The following QSER1 variants were observed in gnomAD, a reference collection of about 807,000 sequenced individuals.
QSER1 encodes the protein glutamine and serine-rich protein 1.
Under a neutral mutation model 158.5 loss-of-function variants are expected in QSER1, and 49 were observed. That is an observed-to-expected ratio of 0.31 (90% CI 0.25 to 0.39). The LOEUF (loss-of-function observed/expected upper bound fraction) is 0.39, where lower values mean the gene tolerates loss of function less well. Among genes scored for constraint, QSER1 ranks in the 10% least tolerant of loss-of-function variants. QSER1 has a pLI of 1.00. For missense variants in QSER1, 1,754 were observed against 2,010.3 expected (o/e 0.87, Z 2.44); for synonymous variants, 650 against 715.5 (o/e 0.91, Z 1.46).
chr11:32,973,684 T>C, intron 11 of QSER1, 135 bp downstream of exon 11: 1 of 796,156 alleles, frequency 1.3e-6, no homozygotes, highest in South Asian at 1.8e-5. Flanking sequence ...GGAATAAGCG[T>C]CACTGGCCTG....
chr11:32,927,702 C>T (rs1218922289), intron 2 of QSER1, among the ~76,000 whole-genome samples: 1 of 152,100 alleles, frequency 6.6e-6, no homozygotes, highest in Non-Finnish European at 1.5e-5. Context: ...CCGCCACGCC[C>T]GACCAAAGCT....
intron 1 of QSER1, among the ~76,000 whole-genome samples, chr11:32,904,189 C>CTT (rs370789790): frequency 3.6e-5 from 5 of 137,222 alleles, no homozygotes; most frequent in Non-Finnish European, 4.8e-5. Context: ...ATTTCTTTTT[C>CTT]TTTTTTTTTT....
chr11:32,929,665 G>A (rs1431356284), intron 3 of QSER1, among the ~76,000 whole-genome samples: 1 of 152,150 alleles, frequency 6.6e-6, no homozygotes, highest in Non-Finnish European at 1.5e-5. Context: ...CCATTAGTTG[G>A]AAGAAGGTAT....
In QSER1 at chr11:32,927,995, G is replaced by C; in HGVS notation, c.356G>C (p.Ser119Thr). 7.8e-7 allele frequency: 1 copy of C among 1,288,264 alleles called. No homozygotes were observed. Among genetic ancestry groups the C allele is most frequent in the Non-Finnish European group, 1.1e-6 (1 of 885,578 alleles). 79.8% of individuals were successfully genotyped at this position (1,288,264 alleles called of 1,614,324 possible). Residue 119 changes from serine to threonine, a missense_variant, in exon 3 of 13, where the codon AGT becomes ACT. Transcript: ENST00000650167. ...LSGIFDTSVN[S>T]ASSNTKESSV... ...GGAATATTTGATACTAGTGTGAACA[G>C]TGCCAGCAGTAACACTAAAGAGTCT...
chr11:32,935,010 A>ATGATGG lies in QSER1; in HGVS notation c.3754_3759dup (p.Asp1252_Gly1253dup), dbSNP rs1395802682. 1 of 1,614,164 alleles carries ATGATGG rather than the reference A, an allele frequency of 6.2e-7. No homozygotes were observed. Among genetic ancestry groups the ATGATGG allele is most frequent in the East Asian group, 2.2e-5 (1 of 44,890 alleles). On this transcript the variant is annotated inframe_insertion, in exon 4 of 13. Coordinates refer to ENST00000650167, the MANE Select transcript of QSER1 (RefSeq NM_001076786.3). The stretch of plus-strand genomic sequence containing the variant: ...ACTCCTCCTTCCTCAGAAAGCTGCC[A>ATGATGG]TGATGGTTATCAGCATCAAGAAAAA...
intron 1 of QSER1, among the ~76,000 whole-genome samples, chr11:32,914,292 T>C (rs1851806677): frequency 6.6e-6 from 1 of 152,232 alleles, no homozygotes; most frequent in Non-Finnish European, 1.5e-5. Context: ...GCTCAAAGTC[T>C]TGTAGCATTT....
chr11:32,917,324 T>C (rs1167250308), intron 1 of QSER1, among the ~76,000 whole-genome samples: 2 of 152,226 alleles, frequency 1.3e-5, no homozygotes, highest in Non-Finnish European at 2.9e-5. Flanking sequence ...TGAACATTTA[T>C]GTACAAGTTT....
chr11:32,944,998 CTTT>C (rs1852305365), intron 4 of QSER1, among the ~76,000 whole-genome samples: 1 of 140,670 alleles, frequency 7.1e-6, no homozygotes, highest in Non-Finnish European at 1.5e-5. Flanking sequence ...TAATGGCCTT[CTTT>C]GTCTCTTTTG....
Position 32,975,031 on chromosome 11 carries a change from A to G in QSER1, c.5359-217A>G, listed in dbSNP as rs185312430. 1.4e-3 allele frequency among the ~76,000 whole-genome samples: 209 copies of G among 152,264 alleles called. 5 individuals carry two copies. Among genetic ancestry groups the G allele is most frequent in the Admixed American group, 0.013 (200 of 15,288 alleles). On this transcript the variant is annotated intron_variant, in intron 11 of 12. Coordinates refer to ENST00000650167, the MANE Select transcript of QSER1 (RefSeq NM_001076786.3). ...TTCCTATAATGCTTAAGTTTTTTCA[A>G]TAATGCATATTTATATGCAGGATAA...
chr11:32,957,442 G>A (rs1457076546), intron 7 of QSER1, among the ~76,000 whole-genome samples: 1 of 152,038 alleles, frequency 6.6e-6, no homozygotes, highest in Non-Finnish European at 1.5e-5. Context: ...CGCCGCATTT[G>A]GGTTTCTACA....
intron 3 of QSER1, among the ~76,000 whole-genome samples, chr11:32,929,523 T>C (rs530297459): frequency 6.6e-6 from 1 of 152,320 alleles, no homozygotes; most frequent in Admixed American, 6.5e-5. Context: ...CACGACTGAT[T>C]TTACTATCAT....
Position 32,932,934 on chromosome 11 carries a change from A to T in QSER1, c.1676A>T (p.His559Leu). Reference sequence around the variant, plus strand: ...CAGTCTCAAAGTTACTCATCTGGTCACTCTCAGGGTTTATCACCAGTTAGC... The same window carrying T: ...CAGTCTCAAAGTTACTCATCTGGTCTCTCTCAGGGTTTATCACCAGTTAGC... Reference protein sequence around the residue: ...VSQSQSYSSGHSQGLSPVSQT... With the variant: ...VSQSQSYSSGLSQGLSPVSQT... The change falls in exon 4 of 13, where the codon CAC (histidine) becomes CTC (leucine). Residue 559 changes from histidine (H) to leucine (L), a missense_variant. By Grantham distance (99) the His-to-Leu change is moderately conservative. Around this residue, in one of 2 missense-constraint regions of QSER1, gnomAD observed 1,707 missense variants for 1,919.6 expected, o/e 0.89. Coordinates refer to ENST00000650167, the MANE Select transcript of QSER1 (RefSeq NM_001076786.3). 6.2e-7 allele frequency: 1 copy of T among 1,613,560 alleles called. No individual in the cohort carries two copies. The highest frequency in any genetic ancestry group is 1.1e-5 in the South Asian group (1 of 91,032).
chr11:32,922,167 A>C (rs1000634255), intron 1 of QSER1, among the ~76,000 whole-genome samples: 13 of 152,206 alleles, frequency 8.5e-5, no homozygotes, highest in African/African-American at 2.7e-4. Flanking sequence ...AAAATCTTTG[A>C]GATCTTAAAT....
chr11:32,935,494 C>T, intron 4 of QSER1, 59 bp downstream of exon 4: 1 of 1,291,392 alleles, frequency 7.7e-7, no homozygotes, highest in Non-Finnish European at 1.0e-6. Flanking sequence ...CCAGCTATAG[C>T]CCACATTTTA....
intron 4 of QSER1, among the ~76,000 whole-genome samples, chr11:32,952,780 A>C (rs1193228393): frequency 1.4e-5 from 2 of 145,994 alleles, no homozygotes; most frequent in African/African-American, 5.0e-5. Context: ...TGGGGTATTC[A>C]GATTTTCTAT....
intron 12 of QSER1, 100 bp from the exon 13 acceptor site, chr11:32,976,234 C>A: frequency 9.6e-7 from 1 of 1,037,704 alleles, no homozygotes; most frequent in Non-Finnish European, 1.3e-6. Flanking sequence ...AATCATTCTC[C>A]ATGGATAGGA....
chr11:32,970,927 T>C (rs1389294386), intron 10 of QSER1, among the ~76,000 whole-genome samples: 1 of 150,978 alleles, frequency 6.6e-6, no homozygotes, highest in Non-Finnish European at 1.5e-5. Context: ...TTTTGATAAT[T>C]GTCATATAAA....
At chr11:32,947,645 A>T (rs1203251122) in intron 4 of QSER1, among the ~76,000 whole-genome samples, 1 of 152,148 alleles carries the variant, frequency 6.6e-6, no homozygotes, top group Non-Finnish European at 1.5e-5. Context: ...GTGTAGTCTA[A>T]AATTTTATAA....
At position 32,939,013 on chromosome 11, in the gene QSER1, A is replaced by G. The variant is rs146091251; in HGVS notation, c.4177+3578A>G. ...GAAACTAGGGTTAGGTGCTATTTTCACCATTCCTTACTCCTTTCAGATTGA... is the reference window on the plus strand; with the variant it reads ...GAAACTAGGGTTAGGTGCTATTTTCGCCATTCCTTACTCCTTTCAGATTGA... On this transcript the variant is annotated intron_variant, in intron 4 of 12. Coordinates refer to ENST00000650167, the MANE Select transcript of QSER1 (RefSeq NM_001076786.3). 8.9e-3 allele frequency among the ~76,000 whole-genome samples: 1,349 copies of G among 152,250 alleles called. 12 individuals carry two copies. Among genetic ancestry groups the G allele is most frequent in the Middle Eastern group, 0.068 (20 of 294 alleles).
Sources: gnomAD v4.1 joint callset for allele counts (sites outside exome capture counted in the v4.1 genomes callset) on GRCh38, gnomAD v4.1.1 for gene constraint, gnomAD v4.1.1 regional missense constraint, MANE v1.5 for transcripts, NCBI Gene and HGNC (gene_info 2026-07-23, HGNC 2026-07-21) for gene names.